Variants in ABCC4 observed in about 807,000 individuals in gnomAD.
ABCC4 encodes ATP binding cassette subfamily C member 4 (PEL blood group).
Under a neutral mutation model 168.5 loss-of-function variants are expected in ABCC4, and 102 were observed. The observed-to-expected ratio is 0.61, with a 90% CI of 0.52 to 0.71. The LOEUF (loss-of-function observed/expected upper bound fraction) is 0.71, where lower values mean the gene tolerates loss of function less well. Among genes scored for constraint, ABCC4 ranks in the 30% least tolerant of loss-of-function variants. The pLI is 0.00. For missense variants in ABCC4, 1,402 were observed against 1,605.8 expected (o/e 0.87, Z 2.17); for synonymous variants, 617 against 590.7 (o/e 1.04, Z -0.65).
chr13:95,102,792 T>C (rs1444664544), intron 20 of ABCC4, among the ~76,000 whole-genome samples: 1 of 151,328 alleles, frequency 6.6e-6, no homozygotes, highest in Non-Finnish European at 1.5e-5. Flanking sequence ...AGCTAATTTT[T>C]GTATTTTTAG....
At chr13:95,180,392 A>T (rs1044998328) in intron 11 of ABCC4, among the ~76,000 whole-genome samples, 1 of 152,110 alleles carries the variant, frequency 6.6e-6, no homozygotes, top group African/African-American at 2.4e-5. Context: ...CGTCTCTACT[A>T]AACATACAAA....
chr13:95,174,459 G>A (rs1434367962), intron 13 of ABCC4, among the ~76,000 whole-genome samples: 4 of 152,112 alleles, frequency 2.6e-5, no homozygotes, highest in South Asian at 2.1e-4. Flanking sequence ...AATTGCATTC[G>A]TGCTCCCTGC....
At chr13:95,268,828 A>T (rs1831010356) in intron 1 of ABCC4, among the ~76,000 whole-genome samples, 1 of 152,070 alleles carries the variant, frequency 6.6e-6, no homozygotes, top group Non-Finnish European at 1.5e-5. Flanking sequence ...GAGGGAACTC[A>T]GAGACCGGTG....
chr13:95,201,979 A>G (rs2038641310), intron 8 of ABCC4, among the ~76,000 whole-genome samples: 1 of 152,200 alleles, frequency 6.6e-6, no homozygotes, highest in Non-Finnish European at 1.5e-5. Flanking sequence ...CTCAAAAGAA[A>G]AAAAAGACTG....
At chr13:95,183,913 C>CA (rs78330872) in intron 11 of ABCC4, among the ~76,000 whole-genome samples, 30,218 of 151,512 alleles carry the variant, frequency 0.2, 4,270 homozygotes, top group African/African-American at 0.39. Context: ...GACTCCATCT[C>CA]AAAAAAAACC....
chr13:95,289,531 AC>A (rs1261298705), intron 1 of ABCC4, among the ~76,000 whole-genome samples: 2 of 152,088 alleles, frequency 1.3e-5, no homozygotes, highest in African/African-American at 4.8e-5. Flanking sequence ...AAATCGAAGA[AC>A]CCGGCATCTC....
chr13:95,115,405 C>T lies in ABCC4; in HGVS notation c.2535+517G>A, dbSNP rs536248315. On this transcript the variant is annotated intron_variant, in intron 20 of 30. Transcript: ENST00000645237. ...TCCTTGCCTTTAAAGGCTTTGTATC[C>T]GCAATAACTGCTCTCTATTGTCCTT... Among the ~76,000 whole-genome samples, 48 of 151,232 alleles carry T rather than the reference C, an allele frequency of 3.2e-4. 1 individual carries two copies. The South Asian group carries it at 6.1e-3, about 19-fold the overall frequency.
At chr13:95,201,985 G>T (rs1444571711) in intron 8 of ABCC4, among the ~76,000 whole-genome samples, 1 of 152,112 alleles carries the variant, frequency 6.6e-6, no homozygotes, top group Admixed American at 6.6e-5. Flanking sequence ...AGAAAAAAAA[G>T]ACTGTGATGG....
intron 4 of ABCC4, among the ~76,000 whole-genome samples, chr13:95,231,385 C>T (rs892766646): frequency 3.9e-5 from 6 of 152,150 alleles, no homozygotes; most frequent in African/African-American, 1.4e-4. Flanking sequence ...AATGACGAGT[C>T]ATTTTCAGAC....
chr13:95,254,580 G>A (rs1048350595), intron 1 of ABCC4, among the ~76,000 whole-genome samples: 2 of 152,080 alleles, frequency 1.3e-5, no homozygotes, highest in Non-Finnish European at 2.9e-5. Context: ...CTTTCCCCTT[G>A]CCCAGATTTT....
At chr13:95,298,252 G>C (rs903875051) in intron 1 of ABCC4, among the ~76,000 whole-genome samples, 2 of 152,144 alleles carry the variant, frequency 1.3e-5, no homozygotes, top group Non-Finnish European at 2.9e-5. Context: ...TTGCACCACT[G>C]CACTCCAGCC....
intron 19 of ABCC4, among the ~76,000 whole-genome samples, chr13:95,149,204 T>C (rs1485107955): frequency 6.6e-6 from 1 of 152,208 alleles, no homozygotes; most frequent in Non-Finnish European, 1.5e-5. Context: ...AAGAACACTT[T>C]TCTAGTGACA....
At position 95,075,569 on chromosome 13, in the gene ABCC4, G is replaced by A. The variant is rs1007293900; in HGVS notation, c.2687-18C>T. On this transcript the variant is annotated intron_variant, in intron 21 of 30. Transcript: ENST00000645237. The stretch of plus-strand genomic sequence containing the variant: ...ACTCCGAGCTGGGGAAACAGACAGA[G>A]AAAACAGCTCAGTGAGGCTGGGTGC... 1 of 1,613,770 alleles carries A rather than the reference G, an allele frequency of 6.2e-7. No homozygotes were observed. The highest frequency in any genetic ancestry group is 1.3e-5 in the African/African-American group (1 of 74,918).
In ABCC4 at chr13:95,161,185, T is replaced by C; in HGVS notation, c.2455+4A>G. The C allele has an allele frequency of 1.3e-6, 2 of 1,593,606 alleles. No homozygotes were observed. The highest frequency in any genetic ancestry group is 1.7e-6 in the Non-Finnish European group (2 of 1,173,890). ...CTTACTGAGAAACTTGGTGTCAGAC[T>C]TACCTATTGGATTTCTATCAAAGAA... is the stretch of plus-strand genomic sequence containing the variant. On this transcript the variant is annotated splice_donor_region_variant and intron_variant, in intron 19 of 30. Coordinates refer to ENST00000645237, the MANE Select transcript of ABCC4 (RefSeq NM_005845.5).
chr13:95,147,860 C>A (rs1185787928), intron 19 of ABCC4, among the ~76,000 whole-genome samples: 8 of 152,118 alleles, frequency 5.3e-5, no homozygotes, highest in Non-Finnish European at 5.9e-5. Flanking sequence ...ATGTTTGGTA[C>A]TTACATGCAA....
chr13:95,097,898 G>C (rs1008218461), intron 20 of ABCC4, among the ~76,000 whole-genome samples: 2 of 151,960 alleles, frequency 1.3e-5, no homozygotes, highest in Non-Finnish European at 2.9e-5. Flanking sequence ...CACTTTTAGA[G>C]GCTGAGGTGG....
At chr13:95,243,499 T>C (rs1402350569) in intron 3 of ABCC4, among the ~76,000 whole-genome samples, 1 of 152,128 alleles carries the variant, frequency 6.6e-6, no homozygotes, top group African/African-American at 2.4e-5. Flanking sequence ...GGGAATGGTG[T>C]CTTAACAGCG....
At chr13:95,061,018 G>C (rs1026285636) in intron 26 of ABCC4, among the ~76,000 whole-genome samples, 1 of 152,098 alleles carries the variant, frequency 6.6e-6, no homozygotes, top group Non-Finnish European at 1.5e-5. Context: ...TTTGTGACTG[G>C]CTTATTTCAC....
chr13:95,056,065 A>G (rs554467449), intron 26 of ABCC4, among the ~76,000 whole-genome samples: 43 of 152,304 alleles, frequency 2.8e-4, no homozygotes, highest in South Asian at 1.0e-3. Flanking sequence ...TCTCAAGAAG[A>G]AACTCTATCC....
Sources: gnomAD v4.1 joint callset for allele counts (sites outside exome capture counted in the v4.1 genomes callset) on GRCh38, gnomAD v4.1.1 for gene constraint, MANE v1.5 for transcripts, NCBI Gene and HGNC (gene_info 2026-07-23, HGNC 2026-07-21) for gene names.